KCNMB2: variants seen among roughly 807,000 people sequenced by gnomAD.
The protein encoded by KCNMB2 is calcium-activated potassium channel subunit beta-2.
A neutral mutation model predicts 24.5 loss-of-function variants in KCNMB2; 9 were observed. The ratio of observed to expected loss-of-function variants is 0.37; its 90% CI spans 0.22 to 0.64. The LOEUF (loss-of-function observed/expected upper bound fraction) is 0.64, where lower values mean the gene tolerates loss of function less well. Among genes scored for constraint, KCNMB2 ranks in the 30% least tolerant of loss-of-function variants. KCNMB2 has a pLI of 0.63. For synonymous variants in KCNMB2, 109 were observed against 104.4 expected, an observed-to-expected ratio of 1.04 and a Z score of -0.27; for missense variants, 226 against 284.3, an observed-to-expected ratio of 0.79 and a Z score of 1.47.
chr3:178,814,160 C>A (rs956862333), intron 2 of KCNMB2, among the ~76,000 whole-genome samples: 2 of 152,134 alleles, frequency 1.3e-5, no homozygotes, highest in African/African-American at 4.8e-5. Flanking sequence ...CTCCCTGCCC[C>A]CTTTTGGAGT....
intron 1 of KCNMB2, among the ~76,000 whole-genome samples, chr3:178,717,168 G>A (rs574410407): frequency 1.9e-4 from 29 of 151,906 alleles, no homozygotes; most frequent in Admixed American, 1.4e-3. Context: ...AATAAAACTA[G>A]TGTATTTCTA....
chr3:178,549,908 T>G (rs761073978), intron 1 of KCNMB2, among the ~76,000 whole-genome samples: 61 of 152,302 alleles, frequency 4.0e-4, no homozygotes, highest in Admixed American at 1.4e-3. Flanking sequence ...CAAATGTAAC[T>G]TATAAAAAAG....
intron 1 of KCNMB2, among the ~76,000 whole-genome samples, chr3:178,611,956 T>C (rs1215986902): frequency 6.6e-6 from 1 of 152,118 alleles, no homozygotes; most frequent in Non-Finnish European, 1.5e-5. Context: ...TGTGTTTCCG[T>C]TATTATTTGT....
At chr3:178,834,660 G>A (rs1462916050) in intron 4 of KCNMB2, among the ~76,000 whole-genome samples, 1 of 152,100 alleles carries the variant, frequency 6.6e-6, no homozygotes, top group African/African-American at 2.4e-5. Context: ...AAAAGTGGGG[G>A]CGTGGAGGAG....
chr3:178,762,928 T>C (rs1711968453), intron 1 of KCNMB2, among the ~76,000 whole-genome samples: 1 of 151,762 alleles, frequency 6.6e-6, no homozygotes. Flanking sequence ...TTTGGATGTC[T>C]AGTAGATACA....
At position 178,843,237 on chromosome 3, in the gene KCNMB2, C is replaced by CGTG; in HGVS notation, c.*302_*304dup. On this transcript the variant is annotated 3_prime_UTR_variant, in exon 5 of 5. Transcript: ENST00000452583. ...GCTCAGTTATTCATTTGCCAAGCTT[C>CGTG]GTGGAGGAATGTAGGTGACATCAAT... 2.0e-6 allele frequency: 1 copy of CGTG among 498,990 alleles called. No homozygotes were observed. Among genetic ancestry groups the CGTG allele is most frequent in the Non-Finnish European group, 3.9e-6 (1 of 255,370 alleles). The allele number at this position is 498,990 out of a possible 1,614,324, so 30.9% of individuals were successfully genotyped here.
intron 1 of KCNMB2, among the ~76,000 whole-genome samples, chr3:178,722,514 C>T (rs1433548393): frequency 1.3e-5 from 2 of 152,156 alleles, no homozygotes; most frequent in Non-Finnish European, 1.5e-5. Context: ...AACAAACTCA[C>T]TCTGGTGATA....
At chr3:178,776,042 C>G (rs941984132) in intron 1 of KCNMB2, among the ~76,000 whole-genome samples, 5 of 152,122 alleles carry the variant, frequency 3.3e-5, no homozygotes, top group Non-Finnish European at 7.3e-5. Flanking sequence ...ACAACCTGGA[C>G]CTTTATTCTG....
chr3:178,751,549 G>A (rs1420544981), intron 1 of KCNMB2, among the ~76,000 whole-genome samples: 9 of 112,816 alleles, frequency 8.0e-5, no homozygotes, highest in South Asian at 3.1e-4. Context: ...ACTCCAGCCC[G>A]AGCAACAGTG....
At chr3:178,754,607 C>G (rs1223912389) in intron 1 of KCNMB2, among the ~76,000 whole-genome samples, 1 of 152,150 alleles carries the variant, frequency 6.6e-6, no homozygotes, top group Non-Finnish European at 1.5e-5. Flanking sequence ...TTGTGGTGCA[C>G]TTGGATGAAT....
In KCNMB2 at chr3:178,594,264, C is replaced by T. The variant is rs994022847; in HGVS notation, c.-68+57553C>T. ...TATGATCTGTTTTGTATTTTAAAGG[C>T]TCACTCTGGCTTCCATGGTGAGAAT... On this transcript the variant is annotated intron_variant, in intron 1 of 4. Transcript: ENST00000452583. 3.3e-5 allele frequency among the ~76,000 whole-genome samples: 5 copies of T among 152,016 alleles called. No individual in the cohort carries two copies. The South Asian group carries it at 8.3e-4, about 25-fold the overall frequency.
intron 1 of KCNMB2, among the ~76,000 whole-genome samples, chr3:178,658,570 G>T (rs568430357): frequency 6.6e-6 from 1 of 152,146 alleles, no homozygotes; most frequent in South Asian, 2.1e-4. Flanking sequence ...TCTGAACTAA[G>T]ATATCTGTGT....
intron 2 of KCNMB2, among the ~76,000 whole-genome samples, chr3:178,822,751 T>C (rs560190596): frequency 2.0e-5 from 3 of 152,362 alleles, no homozygotes; most frequent in African/African-American, 7.2e-5. Context: ...CAAAAACATT[T>C]GTTAACCACT....
At chr3:178,632,961 T>C (rs549029669) in intron 1 of KCNMB2, among the ~76,000 whole-genome samples, 4 of 152,196 alleles carry the variant, frequency 2.6e-5, no homozygotes, top group South Asian at 4.1e-4. Flanking sequence ...ACAGGCCCCA[T>C]GCAAGTCCAA....
At chr3:178,653,706 ATAT>A (rs1434131200) in intron 1 of KCNMB2, among the ~76,000 whole-genome samples, 2 of 152,140 alleles carry the variant, frequency 1.3e-5, no homozygotes, top group Non-Finnish European at 2.9e-5. Flanking sequence ...TTACATTAAT[ATAT>A]TATTAATATC....
At chr3:178,789,578 A>G (rs1294633930) in intron 1 of KCNMB2, among the ~76,000 whole-genome samples, 1 of 152,178 alleles carries the variant, frequency 6.6e-6, no homozygotes, top group African/African-American at 2.4e-5. Flanking sequence ...ATGGCACAGA[A>G]AAAGAATCTG....
At chr3:178,612,474 C>T (rs991147806) in intron 1 of KCNMB2, among the ~76,000 whole-genome samples, 2 of 151,978 alleles carry the variant, frequency 1.3e-5, no homozygotes, top group South Asian at 4.1e-4. Context: ...TGAATTAACC[C>T]CTTTATCATT....
At chr3:178,705,245 G>A (rs1722239386) in intron 1 of KCNMB2, among the ~76,000 whole-genome samples, 1 of 152,042 alleles carries the variant, frequency 6.6e-6, no homozygotes, top group Admixed American at 6.6e-5. Context: ...TCCCTGAACA[G>A]TATTGATGGA....
At chr3:178,791,840 A>C (rs1284377493) in intron 1 of KCNMB2, among the ~76,000 whole-genome samples, 1 of 151,516 alleles carries the variant, frequency 6.6e-6, no homozygotes, top group Non-Finnish European at 1.5e-5. Flanking sequence ...ACATATTTAA[A>C]GTACTGAAAG....
Sources: allele counts gnomAD v4.1 joint callset (sites outside exome capture counted in the v4.1 genomes callset), GRCh38; gene constraint gnomAD v4.1.1; transcripts MANE v1.5; gene names NCBI Gene and HGNC (gene_info 2026-07-23, HGNC 2026-07-21).